KIAA0825: variants seen among roughly 807,000 people sequenced by gnomAD.
The protein encoded by KIAA0825 is KIAA0825.
In KIAA0825, 119 loss-of-function variants were observed where a neutral mutation model predicts 147.6. That is an observed-to-expected ratio of 0.81 (90% CI 0.69 to 0.94). The LOEUF (loss-of-function observed/expected upper bound fraction) is 0.94. Among genes scored for constraint, KIAA0825 ranks in the 40% least tolerant of loss-of-function variants. The pLI, the probability that KIAA0825 is intolerant of heterozygous loss-of-function variation, is 0.00. For synonymous variants in KIAA0825, 470 were observed against 518.1 expected, an observed-to-expected ratio of 0.91 and a Z score of 1.26; for missense variants, 1,381 against 1,472.7, an observed-to-expected ratio of 0.94 and a Z score of 1.02.
chr5:94,534,510 G>A (rs1474578613), intron 3 of KIAA0825, among the ~76,000 whole-genome samples: 2 of 152,124 alleles, frequency 1.3e-5, no homozygotes, highest in African/African-American at 4.8e-5. Context: ...ATGGTCACTT[G>A]AAGACGTTCT....
intron 20 of KIAA0825, among the ~76,000 whole-genome samples, chr5:94,336,196 C>T (rs1781770583): frequency 6.6e-6 from 1 of 151,900 alleles, no homozygotes. Flanking sequence ...ATGGTGAAAC[C>T]CTGTCTCTAC....
intron 20 of KIAA0825, among the ~76,000 whole-genome samples, chr5:94,271,985 TA>T (rs1019102301): frequency 2.0e-5 from 3 of 150,764 alleles, no homozygotes; most frequent in Admixed American, 1.3e-4. Flanking sequence ...TATTCAGTTA[TA>T]AAAACAAATG....
chr5:94,222,779 T>C (rs1311100971), intron 20 of KIAA0825, among the ~76,000 whole-genome samples: 1 of 152,170 alleles, frequency 6.6e-6, no homozygotes, highest in Non-Finnish European at 1.5e-5. Flanking sequence ...TGCCAGATAC[T>C]CCTCATTTCT....
intron 7 of KIAA0825, among the ~76,000 whole-genome samples, chr5:94,473,787 C>A (rs1761508120): frequency 6.6e-6 from 1 of 152,060 alleles, no homozygotes; most frequent in African/African-American, 2.4e-5. Context: ...AAAATTTAAT[C>A]TCTTAAATAT....
intron 20 of KIAA0825, among the ~76,000 whole-genome samples, chr5:94,256,319 G>C (rs888622602): frequency 6.6e-6 from 1 of 152,036 alleles, no homozygotes; most frequent in Middle Eastern, 3.2e-3. Flanking sequence ...TCTGGTATTG[G>C]GGTTCCTCAA....
intron 12 of KIAA0825, among the ~76,000 whole-genome samples, chr5:94,455,177 C>T (rs1758934182): frequency 6.6e-6 from 1 of 151,982 alleles, no homozygotes; most frequent in South Asian, 2.1e-4. Flanking sequence ...GGTGAATTCA[C>T]ACTACCCCCC....
chr5:94,610,123 A>C (rs1788414098), intron 1 of KIAA0825, among the ~76,000 whole-genome samples: 1 of 152,190 alleles, frequency 6.6e-6, no homozygotes, highest in African/African-American at 2.4e-5. Flanking sequence ...AGGACGGGTA[A>C]AGAAATGTCA....
intron 20 of KIAA0825, among the ~76,000 whole-genome samples, chr5:94,271,542 G>A (rs999487174): frequency 1.3e-5 from 2 of 152,178 alleles, no homozygotes; most frequent in African/African-American, 2.4e-5. Flanking sequence ...GAGGTCAAGA[G>A]TTCGAGACCT....
intron 20 of KIAA0825, among the ~76,000 whole-genome samples, chr5:94,370,138 A>G (rs1199096382): frequency 6.6e-6 from 1 of 152,176 alleles, no homozygotes; most frequent in African/African-American, 2.4e-5. Flanking sequence ...GTACAACCAT[A>G]CAATGAACTA....
intron 20 of KIAA0825, among the ~76,000 whole-genome samples, chr5:94,216,590 C>T (rs2150054730): frequency 1.3e-5 from 2 of 152,262 alleles, no homozygotes; most frequent in Middle Eastern, 6.8e-3. Context: ...TACTAAAGGG[C>T]TTGGTCTATC....
Position 94,227,461 on chromosome 5 carries a change from T to A in KIAA0825, c.3711-73337A>T, listed in dbSNP as rs144089535. 3.2e-3 allele frequency among the ~76,000 whole-genome samples: 486 copies of A among 152,040 alleles called. 3 individuals are homozygous for A. The highest frequency in any genetic ancestry group is 0.014 in the South Asian group (68 of 4,796). ...TACTTAATGCTAAATGACGAGTTAA[T>A]GGGTGCAGCACACCAGCATGGCACA... is the stretch of plus-strand genomic sequence containing the variant. On this transcript the variant is annotated intron_variant, in intron 20 of 20. Coordinates refer to ENST00000682413, the MANE Select transcript of KIAA0825 (RefSeq NM_001145678.3).
chr5:94,446,265 AC>A (rs1315783721), intron 13 of KIAA0825, among the ~76,000 whole-genome samples: 1 of 152,220 alleles, frequency 6.6e-6, no homozygotes, highest in Non-Finnish European at 1.5e-5. Flanking sequence ...TGGAGACGTA[AC>A]AGTAAGCAAA....
At chr5:94,519,641 A>G (rs2151204165) in intron 5 of KIAA0825, 1 of 627,750 alleles carries the variant, frequency 1.6e-6, no homozygotes, top group African/African-American at 2.0e-5. Flanking sequence ...CAACTACAAT[A>G]CAGAATTTTA....
At chr5:94,385,890 T>C (rs1749073215) in intron 19 of KIAA0825, among the ~76,000 whole-genome samples, 1 of 152,146 alleles carries the variant, frequency 6.6e-6, no homozygotes, top group African/African-American at 2.4e-5. Flanking sequence ...GCAAGGTATT[T>C]TGTGAGTGTG....
At position 94,564,457 on chromosome 5, in the gene KIAA0825, A is replaced by AGTGTGT. The variant is rs372092487; in HGVS notation, c.-2+17970_-2+17975dup. On this transcript the variant is annotated intron_variant, in intron 2 of 20. Coordinates refer to ENST00000682413, the MANE Select transcript of KIAA0825 (RefSeq NM_001145678.3). ...CATGAGCCACCATGCCTTATTTTTG[A>AGTGTGT]GTGTGTGTGTGTGTGTGTGTGTGTG... is the stretch of plus-strand genomic sequence containing the variant. 7.6e-3 allele frequency among the ~76,000 whole-genome samples: 113 copies of AGTGTGT among 14,924 alleles called. 2 individuals are homozygous for AGTGTGT. Among genetic ancestry groups the AGTGTGT allele is most frequent in the Middle Eastern group, 0.033 (1 of 30 alleles). The allele number at this position is 14,924 out of a possible 152,430, so 9.8% of individuals were successfully genotyped here. A position where few individuals can be genotyped will look rare whatever the true frequency, so the allele number is the denominator to read the frequency against.
At chr5:94,238,731 C>CCTCT (rs138590038) in intron 20 of KIAA0825, among the ~76,000 whole-genome samples, 3 of 150,580 alleles carry the variant, frequency 2.0e-5, no homozygotes, top group Non-Finnish European at 3.0e-5. Flanking sequence ...ACAGTCCCTC[C>CCTCT]CTCTCTCTCT....
chr5:94,277,004 T>C (rs1777253867), intron 20 of KIAA0825, among the ~76,000 whole-genome samples: 1 of 152,144 alleles, frequency 6.6e-6, no homozygotes, highest in Non-Finnish European at 1.5e-5. Context: ...CAGGCATTGC[T>C]CAACTCTACT....
chr5:94,587,549 C>G (rs1783544907), intron 1 of KIAA0825, among the ~76,000 whole-genome samples: 1 of 152,054 alleles, frequency 6.6e-6, no homozygotes, highest in Non-Finnish European at 1.5e-5. Flanking sequence ...AAAGAGAGAA[C>G]ACAAACAAAT....
At chr5:94,260,985 T>C (rs1175385086) in intron 20 of KIAA0825, among the ~76,000 whole-genome samples, 1 of 152,138 alleles carries the variant, frequency 6.6e-6, no homozygotes, top group Non-Finnish European at 1.5e-5. Context: ...GGTAGAATAT[T>C]TGATAACAGC....
Sources: gnomAD v4.1 joint callset for allele counts (sites outside exome capture counted in the v4.1 genomes callset) on GRCh38, gnomAD v4.1.1 for gene constraint, MANE v1.5 for transcripts, NCBI Gene and HGNC (gene_info 2026-07-23, HGNC 2026-07-21) for gene names.